Variants in FILIP1L observed in about 807,000 individuals in gnomAD.
FILIP1L encodes filamin A-interacting protein 1-like.
In FILIP1L, 55 loss-of-function variants were observed where a neutral mutation model predicts 96.6. The observed-to-expected ratio is 0.57, with a 90% CI of 0.46 to 0.71. FILIP1L has a LOEUF of 0.71. FILIP1L is among the 30% of genes least tolerant of loss of function. The pLI is 0.00. For missense variants in FILIP1L, 1,304 were observed against 1,321.2 expected (o/e 0.99, Z 0.20); for synonymous variants, 467 against 473.9 (o/e 0.99, Z 0.19).
At chr3:100,099,518 T>C (rs1215177817) in intron 1 of FILIP1L, among the ~76,000 whole-genome samples, 1 of 152,148 alleles carries the variant, frequency 6.6e-6, no homozygotes, top group African/African-American at 2.4e-5. Flanking sequence ...TATAAAAGTA[T>C]TTGTATCGGT....
intron 4 of FILIP1L, among the ~76,000 whole-genome samples, chr3:99,874,744 GTA>G (rs1376405921): frequency 6.6e-6 from 1 of 152,152 alleles, no homozygotes; most frequent in Non-Finnish European, 1.5e-5. Context: ...CACATTTTGA[GTA>G]TTTTTTAAAT....
intron 1 of FILIP1L, among the ~76,000 whole-genome samples, chr3:100,077,078 G>C (rs2065861662): frequency 1.3e-5 from 2 of 152,200 alleles, no homozygotes; most frequent in Admixed American, 1.3e-4. Flanking sequence ...ATTCCGGTTA[G>C]GTCTCCCAAG....
At chr3:99,848,000 G>A (rs539347313) in intron 5 of FILIP1L, 1 of 1,090,566 alleles carries the variant, frequency 9.2e-7, no homozygotes, top group Non-Finnish European at 1.1e-6. Flanking sequence ...TCAAATTAAA[G>A]TGAGTTATGG....
intron 4 of FILIP1L, among the ~76,000 whole-genome samples, chr3:99,880,637 T>C (rs1342371713): frequency 1.3e-5 from 2 of 152,136 alleles, no homozygotes; most frequent in Non-Finnish European, 2.9e-5. Flanking sequence ...AATGATGATA[T>C]TTTGTGGTTT....
intron 1 of FILIP1L, among the ~76,000 whole-genome samples, chr3:100,043,503 T>C (rs1387393673): frequency 1.3e-5 from 2 of 152,208 alleles, no homozygotes; most frequent in Non-Finnish European, 2.9e-5. Context: ...GTATTTATTA[T>C]GTCTCATTTG....
intron 1 of FILIP1L, among the ~76,000 whole-genome samples, chr3:100,004,762 C>T (rs1429930320): frequency 2.6e-5 from 4 of 152,120 alleles, no homozygotes; most frequent in African/African-American, 9.7e-5. Flanking sequence ...AGTGGAAGCA[C>T]GTAATGTCAT....
rs75422633 is a variant in FILIP1L, at chr3:100,027,340, A to C, written c.-11+86713T>G. On this transcript the variant is annotated intron_variant, in intron 1 of 5. Transcript: ENST00000477258. ...GCCTCACACATGGTAGGTGTTCAATAAATGTTTGATGAATGAATGAATCTT... is the reference window on the plus strand; with the variant it reads ...GCCTCACACATGGTAGGTGTTCAATCAATGTTTGATGAATGAATGAATCTT... 4.6e-3 allele frequency among the ~76,000 whole-genome samples: 694 copies of C among 152,266 alleles called. 7 individuals carry two copies. The highest frequency in any genetic ancestry group is 0.016 in the African/African-American group (677 of 41,554).
chr3:99,910,339 G>A (rs1201506022), intron 4 of FILIP1L, among the ~76,000 whole-genome samples: 1 of 136,806 alleles, frequency 7.3e-6, no homozygotes, highest in Non-Finnish European at 1.7e-5. Flanking sequence ...GACTCACACT[G>A]TCGACTGATA....
intron 5 of FILIP1L, among the ~76,000 whole-genome samples, chr3:99,847,120 A>C (rs1274399993): frequency 6.6e-6 from 1 of 152,156 alleles, no homozygotes; most frequent in Non-Finnish European, 1.5e-5. Context: ...TACTTCTTTC[A>C]ACTAACATAC....
chr3:99,885,367 A>G (rs1345185685), intron 4 of FILIP1L, among the ~76,000 whole-genome samples: 1 of 152,270 alleles, frequency 6.6e-6, no homozygotes, highest in African/African-American at 2.4e-5. Flanking sequence ...TCTAAGATTT[A>G]TAGAAGTACA....
chr3:99,848,277 G>A lies in FILIP1L; in HGVS notation c.3381+18C>T. ...GACTGGATGAGGGTGAGCGTGGTCA[G>A]TTATATATATTACTTACTGTAATTT... On this transcript the variant is annotated intron_variant, in intron 5 of 5. Transcript: ENST00000477258. 6.2e-7 allele frequency: 1 copy of A among 1,613,562 alleles called. No homozygotes were observed. Among genetic ancestry groups the A allele is most frequent in the Non-Finnish European group, 8.5e-7 (1 of 1,179,650 alleles).
chr3:99,855,214 G>A (rs1943902441), intron 4 of FILIP1L, among the ~76,000 whole-genome samples: 1 of 152,156 alleles, frequency 6.6e-6, no homozygotes, highest in South Asian at 2.1e-4. Context: ...GATACCAGGT[G>A]AGAGAATATG....
chr3:99,978,420 T>C (rs1435593661), intron 1 of FILIP1L, among the ~76,000 whole-genome samples: 2 of 151,986 alleles, frequency 1.3e-5, no homozygotes, highest in Admixed American at 6.6e-5. Context: ...AAAGAAAATG[T>C]GGTATATCTA....
intron 1 of FILIP1L, among the ~76,000 whole-genome samples, chr3:99,934,977 G>T (rs1169171806): frequency 6.6e-6 from 1 of 152,170 alleles, no homozygotes; most frequent in Non-Finnish European, 1.5e-5. Flanking sequence ...CCCATCATAT[G>T]CAGACTTCTG....
At position 99,928,770 on chromosome 3, in the gene FILIP1L, A is replaced by G. The variant is rs16841836; in HGVS notation, c.426+1086T>C. On this transcript the variant is annotated intron_variant, in intron 3 of 5. Transcript: ENST00000477258. ...GGGAATTTGTGCCTGACACTGTTTC[A>G]TAGTTAATATGTTGGGAGCCAGGAT... 5.0e-3 allele frequency among the ~76,000 whole-genome samples: 765 copies of G among 152,300 alleles called. 6 individuals carry two copies. Among genetic ancestry groups the G allele is most frequent in the African/African-American group, 0.017 (720 of 41,548 alleles).
chr3:100,003,603 G>A (rs1339119883), intron 1 of FILIP1L, among the ~76,000 whole-genome samples: 1 of 152,130 alleles, frequency 6.6e-6, no homozygotes, highest in Admixed American at 6.6e-5. Flanking sequence ...ACTAAGTACA[G>A]TGTTTTTTCC....
chr3:100,003,274 T>C (rs1709895071), intron 1 of FILIP1L, among the ~76,000 whole-genome samples: 1 of 152,206 alleles, frequency 6.6e-6, no homozygotes, highest in Non-Finnish European at 1.5e-5. Flanking sequence ...AAGTTACACA[T>C]TGACTCAGTC....
At chr3:99,975,363 C>T (rs1195142440) in intron 1 of FILIP1L, among the ~76,000 whole-genome samples, 1 of 152,110 alleles carries the variant, frequency 6.6e-6, no homozygotes, top group Non-Finnish European at 1.5e-5. Flanking sequence ...AGACTGACAA[C>T]AGACAGGCAG....
intron 1 of FILIP1L, among the ~76,000 whole-genome samples, chr3:100,062,786 C>T (rs566524181): frequency 6.6e-6 from 1 of 152,280 alleles, no homozygotes; most frequent in East Asian, 1.9e-4. Flanking sequence ...CCTCAGCATT[C>T]GCCCTACACC....
Sources: allele counts gnomAD v4.1 joint callset (sites outside exome capture counted in the v4.1 genomes callset), GRCh38; gene constraint gnomAD v4.1.1; transcripts MANE v1.5; gene names NCBI Gene and HGNC (gene_info 2026-07-23, HGNC 2026-07-21).